ARHGAP32: variants seen among roughly 807,000 people sequenced by gnomAD.
The protein encoded by ARHGAP32 is Rho GTPase activating protein 32.
Under a neutral mutation model 186.5 loss-of-function variants are expected in ARHGAP32, and 51 were observed. The ratio of observed to expected loss-of-function variants is 0.27; its 90% CI spans 0.22 to 0.35. The LOEUF (loss-of-function observed/expected upper bound fraction) is 0.35, where lower values mean the gene tolerates loss of function less well. Among genes scored for constraint, ARHGAP32 ranks in the 10% least tolerant of loss-of-function variants. ARHGAP32 has a pLI of 1.00. For synonymous variants in ARHGAP32, 950 were observed against 964.3 expected, an observed-to-expected ratio of 0.99 and a Z score of 0.27; for missense variants, 2,186 against 2,623.5, an observed-to-expected ratio of 0.83 and a Z score of 3.64.
intron 1 of ARHGAP32, among the ~76,000 whole-genome samples, chr11:129,238,869 C>CTG (rs929702078): frequency 2.6e-5 from 4 of 151,984 alleles, no homozygotes; most frequent in Non-Finnish European, 2.9e-5. Flanking sequence ...GGGTCTCACT[C>CTG]TGTTGCCCAG....
intron 11 of ARHGAP32, among the ~76,000 whole-genome samples, chr11:129,025,511 C>T (rs2134923448): frequency 6.6e-6 from 1 of 152,216 alleles, no homozygotes; most frequent in East Asian, 1.9e-4. Flanking sequence ...GAATAGGAAA[C>T]AAGGCTCTTA....
At chr11:129,181,096 T>G (rs1473885408) in intron 1 of ARHGAP32, among the ~76,000 whole-genome samples, 2 of 152,178 alleles carry the variant, frequency 1.3e-5, no homozygotes, top group East Asian at 3.8e-4. Flanking sequence ...CTTTTCTTCA[T>G]CCCTGGAATA....
At chr11:129,102,651 C>T (rs1941934675) in intron 5 of ARHGAP32, among the ~76,000 whole-genome samples, 1 of 152,130 alleles carries the variant, frequency 6.6e-6, no homozygotes, top group African/African-American at 2.4e-5. Flanking sequence ...CAAATCTAAA[C>T]TACAATGAGA....
intron 15 of ARHGAP32, among the ~76,000 whole-genome samples, chr11:128,983,728 G>A (rs1009970383): frequency 6.6e-6 from 1 of 151,936 alleles, no homozygotes; most frequent in South Asian, 2.1e-4. Flanking sequence ...ATTACTTGAG[G>A]AAGGTGAATG....
intron 6 of ARHGAP32, among the ~76,000 whole-genome samples, chr11:129,068,297 G>A (rs1417511898): frequency 1.3e-5 from 2 of 152,046 alleles, no homozygotes; most frequent in African/African-American, 4.8e-5. Context: ...TTCGATTCAT[G>A]AGCTGAATGT....
chr11:129,080,292 GA>G (rs1165849793), intron 6 of ARHGAP32, among the ~76,000 whole-genome samples: 9 of 152,098 alleles, frequency 5.9e-5, no homozygotes, highest in African/African-American at 1.7e-4. Flanking sequence ...AACAACTGCA[GA>G]ATATACATTC....
At chr11:129,092,844 T>C (rs1941616500) in intron 6 of ARHGAP32, among the ~76,000 whole-genome samples, 1 of 151,990 alleles carries the variant, frequency 6.6e-6, no homozygotes, top group African/African-American at 2.4e-5. Context: ...GCTGAAAACT[T>C]TGTATAGAAG....
At position 128,972,532 on chromosome 11, in the gene ARHGAP32, G is replaced by T. The variant is rs143844266; in HGVS notation, c.3974C>A (p.Ser1325Tyr). The change falls in exon 22 of 23, where the codon TCC (serine) becomes TAC (tyrosine). Residue 1325 changes from serine (S) to tyrosine (Y), a missense_variant. By Grantham distance (144) the Ser-to-Tyr change is moderately radical. This residue lies in a region of ARHGAP32 where 1,502 missense variants were observed against 1,570.0 expected (regional missense o/e 0.96). Transcript: ENST00000682385. Reference protein sequence around the residue: ...RTNRPLPPPPSQRSAEQPPVV... With the variant: ...RTNRPLPPPPYQRSAEQPPVV... ...TGGTGGCTGCTCTGCAGATCTCTGGGAAGGCGGAGGGGGAAGGGGACGATT... is the reference window on the plus strand; with the variant it reads ...TGGTGGCTGCTCTGCAGATCTCTGGTAAGGCGGAGGGGGAAGGGGACGATT... 2.4e-5 allele frequency: 37 copies of T among 1,559,262 alleles called. No individual in the cohort carries two copies. The highest frequency in any genetic ancestry group is 2.9e-5 in the Non-Finnish European group (33 of 1,150,874).
chr11:129,147,597 G>A (rs897408102), intron 2 of ARHGAP32, among the ~76,000 whole-genome samples: 1 of 152,148 alleles, frequency 6.6e-6, no homozygotes, highest in Non-Finnish European at 1.5e-5. Context: ...ATAGAAAAAT[G>A]AGAGTAATAC....
chr11:128,972,431 A>T (rs778667822), intron 22 of ARHGAP32, 22 bp downstream of exon 22: 4 of 1,508,336 alleles, frequency 2.7e-6, no homozygotes, highest in Non-Finnish European at 3.5e-6. Context: ...ATTTCATCTC[A>T]CTGATATCTT....
intron 5 of ARHGAP32, among the ~76,000 whole-genome samples, chr11:129,097,218 C>T (rs1941755474): frequency 6.6e-6 from 1 of 152,014 alleles, no homozygotes; most frequent in African/African-American, 2.4e-5. Context: ...TAATCCAGTG[C>T]TTTGGGAGGC....
chr11:129,096,518 T>C (rs934215188), intron 5 of ARHGAP32, among the ~76,000 whole-genome samples: 1 of 151,690 alleles, frequency 6.6e-6, no homozygotes, highest in South Asian at 2.1e-4. Context: ...CAGCTCCCTA[T>C]ACCCCCCCGG....
chr11:129,131,838 G>C (rs1019923370), intron 2 of ARHGAP32, among the ~76,000 whole-genome samples: 2 of 152,088 alleles, frequency 1.3e-5, no homozygotes, highest in Non-Finnish European at 2.9e-5. Flanking sequence ...AAGTCTGTGG[G>C]GATAACCCTT....
intron 10 of ARHGAP32, among the ~76,000 whole-genome samples, chr11:129,044,717 C>G (rs982623278): frequency 1.3e-5 from 2 of 151,944 alleles, no homozygotes; most frequent in African/African-American, 2.4e-5. Context: ...AGAGAAAAGT[C>G]CAGATTCTAA....
At chr11:129,230,993 G>C (rs1327232957) in intron 1 of ARHGAP32, among the ~76,000 whole-genome samples, 2 of 151,988 alleles carry the variant, frequency 1.3e-5, no homozygotes, top group Non-Finnish European at 2.9e-5. Flanking sequence ...AAATTAGCCG[G>C]CCATGGTGGT....
At chr11:129,222,011 A>T (rs1944718983) in intron 1 of ARHGAP32, among the ~76,000 whole-genome samples, 1 of 152,166 alleles carries the variant, frequency 6.6e-6, no homozygotes. Flanking sequence ...AATCCTGCAG[A>T]TAGGCACTGT....
At chr11:129,209,308 G>C (rs1944551248) in intron 1 of ARHGAP32, among the ~76,000 whole-genome samples, 1 of 151,916 alleles carries the variant, frequency 6.6e-6, no homozygotes, top group South Asian at 2.1e-4. Flanking sequence ...CAGCACAAAA[G>C]AAGTTAGAGA....
At position 129,149,185 on chromosome 11, in the gene ARHGAP32, A is replaced by G. The variant is rs545755514; in HGVS notation, c.225+15134T>C. ...CCACCCACAGGCTGGAGGCCAATCTACTTGGGCCATAACAGCAACTTATGA... is the reference window on the plus strand; with the variant it reads ...CCACCCACAGGCTGGAGGCCAATCTGCTTGGGCCATAACAGCAACTTATGA... On this transcript the variant is annotated intron_variant, in intron 2 of 22. Coordinates refer to ENST00000682385, the MANE Select transcript of ARHGAP32 (RefSeq NM_001378024.1). Among the ~76,000 whole-genome samples, 27 of 152,288 alleles carry G rather than the reference A, an allele frequency of 1.8e-4. 1 individual carries two copies. In the South Asian group the frequency reaches 5.6e-3, roughly 32 times the overall value.
At chr11:129,162,135 G>A (rs987583447) in intron 2 of ARHGAP32, among the ~76,000 whole-genome samples, 4 of 152,048 alleles carry the variant, frequency 2.6e-5, no homozygotes, top group African/African-American at 2.4e-5. Flanking sequence ...ATCACACACC[G>A]GGGCCTGTCA....
Sources: gnomAD v4.1 joint callset for allele counts (sites outside exome capture counted in the v4.1 genomes callset) on GRCh38, gnomAD v4.1.1 for gene constraint, gnomAD v4.1.1 regional missense constraint, MANE v1.5 for transcripts, NCBI Gene and HGNC (gene_info 2026-07-23, HGNC 2026-07-21) for gene names.